CRISPLD2: variants seen among roughly 807,000 people sequenced by gnomAD.
The protein encoded by CRISPLD2 is cysteine-rich secretory protein LCCL domain-containing 2.
CRISPLD2 carries 47 observed loss-of-function variants against 71.1 expected under a neutral mutation model. The observed-to-expected ratio is 0.66, with a 90% CI of 0.52 to 0.84. The LOEUF is 0.84. CRISPLD2 is among the 40% of genes least tolerant of loss of function. The pLI is 0.00. For missense variants in CRISPLD2, 830 were observed against 651.1 expected, an observed-to-expected ratio of 1.27 and a Z score of -2.99; for synonymous variants, 317 against 250.1, an observed-to-expected ratio of 1.27 and a Z score of -2.52.
intron 1 of CRISPLD2, among the ~76,000 whole-genome samples, chr16:84,827,659 C>T (rs1036500171): frequency 4.0e-5 from 6 of 151,760 alleles, no homozygotes; most frequent in Admixed American, 6.6e-5. Context: ...CTTCACCTCC[C>T]GGATTCAAGC....
At chr16:84,901,056 A>C (rs939051034) in intron 14 of CRISPLD2, among the ~76,000 whole-genome samples, 1 of 151,886 alleles carries the variant, frequency 6.6e-6, no homozygotes, top group Non-Finnish European at 1.5e-5. Flanking sequence ...CAAAAAAAAA[A>C]AGATTAGAAA....
intron 6 of CRISPLD2, among the ~76,000 whole-genome samples, chr16:84,855,078 C>T (rs575516257): frequency 2.0e-5 from 3 of 152,206 alleles, no homozygotes; most frequent in African/African-American, 4.8e-5. Context: ...TCTCCTGTGC[C>T]GGGCTCTGCA....
At chr16:84,834,217 C>T (rs533740053) in intron 1 of CRISPLD2, among the ~76,000 whole-genome samples, 2 of 152,296 alleles carry the variant, frequency 1.3e-5, no homozygotes, top group South Asian at 2.1e-4. Context: ...GCTCACACCA[C>T]GACGGGCGCA....
intron 8 of CRISPLD2, among the ~76,000 whole-genome samples, chr16:84,869,168 C>T (rs145132487): frequency 2.4e-3 from 361 of 152,292 alleles, no homozygotes; most frequent in African/African-American, 8.1e-3. Context: ...GATGGGCCAC[C>T]GGTATATTCC....
intron 6 of CRISPLD2, among the ~76,000 whole-genome samples, chr16:84,864,182 C>A (rs750537036): frequency 1.3e-5 from 2 of 152,056 alleles, no homozygotes; most frequent in Non-Finnish European, 1.5e-5. Context: ...AATAACCTTG[C>A]CGTGACCTCT....
At chr16:84,896,040 C>CA (rs1401709597) in intron 14 of CRISPLD2, among the ~76,000 whole-genome samples, 1 of 140,266 alleles carries the variant, frequency 7.1e-6, no homozygotes, top group African/African-American at 2.6e-5. Context: ...GATTGGAATC[C>CA]TTTTTTTTTT....
chr16:84,858,949 C>T (rs1316901535), intron 6 of CRISPLD2, among the ~76,000 whole-genome samples: 2 of 152,204 alleles, frequency 1.3e-5, no homozygotes, highest in Non-Finnish European at 2.9e-5. Flanking sequence ...CTCCAAGATC[C>T]ATCTATCTTC....
intron 3 of CRISPLD2, among the ~76,000 whole-genome samples, chr16:84,846,534 A>C (rs185399626): frequency 6.6e-6 from 1 of 152,256 alleles, no homozygotes; most frequent in Non-Finnish European, 1.5e-5. Flanking sequence ...GATTACAGGC[A>C]TGAGCCACCG....
intron 7 of CRISPLD2, 107 bp from the exon 8 acceptor site, chr16:84,868,744 C>T: frequency 1.1e-6 from 1 of 939,244 alleles, no homozygotes; most frequent in Non-Finnish European, 1.7e-6. Flanking sequence ...CTTAGTATAG[C>T]ACGGATTGGA....
chr16:84,831,632 C>G (rs1287061072), intron 1 of CRISPLD2, among the ~76,000 whole-genome samples: 1 of 152,138 alleles, frequency 6.6e-6, no homozygotes, highest in Admixed American at 6.5e-5. Flanking sequence ...TCTCAAACTC[C>G]TGAGCTCAAG....
chr16:84,890,735 T>C lies in CRISPLD2; in HGVS notation c.1439+1372T>C, dbSNP rs1368332974. 7.3e-5 allele frequency among the ~76,000 whole-genome samples: 11 copies of C among 151,480 alleles called. 1 individual carries two copies. The highest frequency in any genetic ancestry group is 7.2e-4 in the Admixed American group (11 of 15,226). On this transcript the variant is annotated intron_variant, in intron 14 of 14. Coordinates refer to ENST00000262424, the MANE Select transcript of CRISPLD2 (RefSeq NM_031476.4). ...ACTTGAACCCGGGAGGTAGAGGCTG[T>C]AGTGAGCCGGGATTGTGTCACTGCA...
chr16:84,901,984 G>T (rs2143388088), intron 14 of CRISPLD2, among the ~76,000 whole-genome samples: 1 of 151,286 alleles, frequency 6.6e-6, no homozygotes, highest in East Asian at 2.0e-4. Flanking sequence ...ATTTTTGGTA[G>T]CGATGGGGTT....
At chr16:84,849,920 C>A (rs1387854737) in intron 4 of CRISPLD2, among the ~76,000 whole-genome samples, 4 of 142,184 alleles carry the variant, frequency 2.8e-5, no homozygotes, top group African/African-American at 1.0e-4. Flanking sequence ...AGAGATGGGT[C>A]TGGCTATGTT....
intron 12 of CRISPLD2, among the ~76,000 whole-genome samples, chr16:84,878,054 C>CAA (rs60773992): frequency 1.6e-4 from 16 of 97,510 alleles, no homozygotes; most frequent in African/African-American, 3.1e-4. Context: ...ACTAAAAATA[C>CAA]AAAAAAAAAA....
Position 84,880,693 on chromosome 16 carries a change from AAATT to A in CRISPLD2, c.1305+134_1305+137del, listed in dbSNP as rs35870995. 739 of 592,766 alleles carry A rather than the reference AAATT, an allele frequency of 1.2e-3. 4 individuals are homozygous for A. The highest frequency in any genetic ancestry group is 6.1e-3 in the African/African-American group (326 of 53,554). 36.7% of individuals were successfully genotyped at this position (592,766 alleles called of 1,614,324 possible). ...AACTTTATTCCAGTGCCTCTTAGCT[AAATT>A]AATTAATTAATTAATTAATTAATTT... On this transcript the variant is annotated intron_variant, in intron 13 of 14. Coordinates refer to ENST00000262424, the MANE Select transcript of CRISPLD2 (RefSeq NM_031476.4).
intron 1 of CRISPLD2, among the ~76,000 whole-genome samples, chr16:84,831,699 C>G (rs1916493079): frequency 1.3e-5 from 2 of 152,138 alleles, no homozygotes; most frequent in South Asian, 4.1e-4. Flanking sequence ...AGTCACCGCA[C>G]CTGGCCTAAT....
intron 14 of CRISPLD2, among the ~76,000 whole-genome samples, chr16:84,892,029 G>A (rs959095915): frequency 2.0e-5 from 3 of 152,192 alleles, no homozygotes; most frequent in African/African-American, 4.8e-5. Flanking sequence ...CAGACTCTCT[G>A]CTCCTCCGTC....
chr16:84,844,629 C>G (rs1000361179), intron 2 of CRISPLD2, among the ~76,000 whole-genome samples: 2 of 152,120 alleles, frequency 1.3e-5, no homozygotes, highest in Non-Finnish European at 2.9e-5. Context: ...TCGCAAAGTT[C>G]TGGGATTACA....
chr16:84,846,309 G>C (rs1465639904), intron 3 of CRISPLD2, among the ~76,000 whole-genome samples: 1 of 142,334 alleles, frequency 7.0e-6, no homozygotes, highest in Non-Finnish European at 1.5e-5. Context: ...ATGGAGTGCA[G>C]TGGCGCAATC....
Sources: allele counts gnomAD v4.1 joint callset (sites outside exome capture counted in the v4.1 genomes callset), GRCh38; gene constraint gnomAD v4.1.1; transcripts MANE v1.5; gene names NCBI Gene and HGNC (gene_info 2026-07-23, HGNC 2026-07-21).